The following TMEM163 variants were observed in gnomAD, a reference collection of about 807,000 sequenced individuals.
TMEM163 encodes the protein transmembrane protein 163.
Under a neutral mutation model 29.3 loss-of-function variants are expected in TMEM163, and 17 were observed. That is an observed-to-expected ratio of 0.58 (90% CI 0.40 to 0.87). TMEM163 has a LOEUF of 0.87. Ranked by LOEUF, TMEM163 falls within the 40% of genes least tolerant of loss-of-function variation. The pLI is 0.00. For missense variants in TMEM163, 303 were observed against 381.5 expected (o/e 0.79, Z 1.71); for synonymous variants, 157 against 160.6 (o/e 0.98, Z 0.17).
intron 4 of TMEM163, among the ~76,000 whole-genome samples, chr2:134,526,410 A>G (rs1053570483): frequency 6.6e-6 from 1 of 152,138 alleles, no homozygotes; most frequent in African/African-American, 2.4e-5. Flanking sequence ...ACAATTCCAC[A>G]TCCTACAGCA....
intron 2 of TMEM163, among the ~76,000 whole-genome samples, chr2:134,556,296 AG>A (rs1315991291): frequency 6.6e-6 from 1 of 152,264 alleles, no homozygotes; most frequent in South Asian, 2.1e-4. Flanking sequence ...TATCACTTCC[AG>A]CCACATGAGT....
chr2:134,599,206 C>T (rs1682167953), intron 2 of TMEM163, among the ~76,000 whole-genome samples: 1 of 152,040 alleles, frequency 6.6e-6, no homozygotes, highest in African/African-American at 2.4e-5. Flanking sequence ...TGGTTCATGA[C>T]AAGAAGTTCA....
At chr2:134,457,652 C>T (rs946254551) in intron 7 of TMEM163, among the ~76,000 whole-genome samples, 3 of 152,212 alleles carry the variant, frequency 2.0e-5, no homozygotes, top group Admixed American at 6.5e-5. Context: ...TGTTGCATCC[C>T]CCATTTGTGG....
rs1348990308 is a variant in TMEM163 at position 134,460,503 on chromosome 2, G to A, written c.668-2330C>T. 6.6e-6 allele frequency among the ~76,000 whole-genome samples: 1 copy of A among 152,118 alleles called. No individual in the cohort carries two copies. Among genetic ancestry groups the A allele is most frequent in the African/African-American group, 2.4e-5 (1 of 41,400 alleles). ...CTCCTTGCAGTATTCGAAGTCCCAGGACAGGGCCTGGCATTCATCAGGGGT... is the reference window on the plus strand; with the variant it reads ...CTCCTTGCAGTATTCGAAGTCCCAGAACAGGGCCTGGCATTCATCAGGGGT... On this transcript the variant is annotated intron_variant, in intron 6 of 7. Coordinates refer to ENST00000281924, the MANE Select transcript of TMEM163 (RefSeq NM_030923.5). This position sits in a 1 kb window ranked among gnomAD's most constrained non-coding sequence, Gnocchi z 4.3.
intron 2 of TMEM163, among the ~76,000 whole-genome samples, chr2:134,562,011 G>A (rs947659888): frequency 6.6e-6 from 1 of 152,214 alleles, no homozygotes; most frequent in African/African-American, 2.4e-5. Flanking sequence ...TAGATAAACA[G>A]AGATGGGGAT....
chr2:134,664,735 C>G (rs1163270348), intron 2 of TMEM163, among the ~76,000 whole-genome samples: 2 of 152,124 alleles, frequency 1.3e-5, no homozygotes, highest in African/African-American at 4.8e-5. Context: ...GAAGGGGCAA[C>G]GAATGGCGGA....
At chr2:134,544,699 G>A (rs1680742750) in intron 4 of TMEM163, among the ~76,000 whole-genome samples, 1 of 152,200 alleles carries the variant, frequency 6.6e-6, no homozygotes, top group African/African-American at 2.4e-5. Context: ...GGAGGCTGAG[G>A]CAGGAGAATT....
intron 2 of TMEM163, among the ~76,000 whole-genome samples, chr2:134,636,704 A>G (rs561063404): frequency 6.6e-6 from 1 of 152,328 alleles, no homozygotes; most frequent in Non-Finnish European, 1.5e-5. Context: ...ATGATTTAGG[A>G]GTCATGCAGC....
intron 5 of TMEM163, among the ~76,000 whole-genome samples, chr2:134,470,978 C>G (rs1248174024): frequency 1.3e-5 from 2 of 152,222 alleles, no homozygotes; most frequent in Admixed American, 6.5e-5. Flanking sequence ...TCAACACCAG[C>G]CTGGGCAACA....
At chr2:134,550,357 A>G (rs144264922) in intron 4 of TMEM163, among the ~76,000 whole-genome samples, 1 of 152,298 alleles carries the variant, frequency 6.6e-6, no homozygotes, top group Non-Finnish European at 1.5e-5. Flanking sequence ...CTGAGAACAG[A>G]GAAAATTATA....
At chr2:134,632,334 G>T (rs993728465) in intron 2 of TMEM163, among the ~76,000 whole-genome samples, 1 of 152,146 alleles carries the variant, frequency 6.6e-6, no homozygotes, top group African/African-American at 2.4e-5. Flanking sequence ...GAACAACTGG[G>T]CTTTCAAGCA....
chr2:134,600,785 A>C (rs563750613), intron 2 of TMEM163, among the ~76,000 whole-genome samples: 3 of 152,348 alleles, frequency 2.0e-5, no homozygotes, highest in Admixed American at 1.3e-4. Flanking sequence ...CCAGAGGTTC[A>C]GAAGTCCTAA....
chr2:134,640,090 T>C (rs1199405983), intron 2 of TMEM163, among the ~76,000 whole-genome samples: 1 of 152,224 alleles, frequency 6.6e-6, no homozygotes, highest in Non-Finnish European at 1.5e-5. Flanking sequence ...GTACCAGTTC[T>C]GCAATCAGTA....
At chr2:134,598,418 A>G (rs996558056) in intron 2 of TMEM163, among the ~76,000 whole-genome samples, 1 of 152,218 alleles carries the variant, frequency 6.6e-6, no homozygotes, top group Non-Finnish European at 1.5e-5. Flanking sequence ...AATTGATATA[A>G]TTCTCACAGC....
intron 2 of TMEM163, among the ~76,000 whole-genome samples, chr2:134,635,791 G>A (rs1015078941): frequency 6.6e-6 from 1 of 152,174 alleles, no homozygotes; most frequent in Admixed American, 6.5e-5. Flanking sequence ...CAGCCTTGAA[G>A]CAGGGGCAAG....
chr2:134,631,627 A>G (rs6759065), intron 2 of TMEM163, among the ~76,000 whole-genome samples: 87,500 of 152,122 alleles, frequency 0.58, 25,903 homozygotes, highest in Non-Finnish European at 0.63. Context: ...AGATGGTATT[A>G]CATGCCATGG....
intron 2 of TMEM163, among the ~76,000 whole-genome samples, chr2:134,587,488 C>T (rs1241414742): frequency 1.3e-5 from 2 of 152,248 alleles, no homozygotes; most frequent in East Asian, 1.9e-4. Context: ...AAAACCTGAA[C>T]GCAGCAGGCC....
rs1558971778 is a variant in TMEM163 at position 134,633,991 on chromosome 2, ATATATATATATATATATATATATATAT to A, written c.322+79182_322+79208del. On this transcript the variant is annotated intron_variant, in intron 2 of 7. Transcript: ENST00000281924. ...CATATATATATATATATATATATAT[ATATATATATATATATATATATATATAT>A]ATAATAGGACTGTTTTAAGATGCAA... Among the ~76,000 whole-genome samples the A allele has an allele frequency of 1.9e-3, 191 of 101,200 alleles. 10 individuals carry two copies. The highest frequency in any genetic ancestry group is 2.4e-3 in the Admixed American group (25 of 10,256). 66.4% of individuals were successfully genotyped at this position (101,200 alleles called of 152,430 possible).
At chr2:134,590,604 G>A (rs1681915956) in intron 2 of TMEM163, among the ~76,000 whole-genome samples, 1 of 152,212 alleles carries the variant, frequency 6.6e-6, no homozygotes, top group African/African-American at 2.4e-5. Context: ...AGTTTATTAA[G>A]AAAGTAAAGG....
Sources: allele counts gnomAD v4.1 joint callset (sites outside exome capture counted in the v4.1 genomes callset), GRCh38; gene constraint gnomAD v4.1.1; non-coding constraint Gnocchi (gnomAD v3.1); transcripts MANE v1.5; gene names NCBI Gene and HGNC (gene_info 2026-07-23, HGNC 2026-07-21).